The following XXYLT1 variants were observed in gnomAD, a reference collection of about 807,000 sequenced individuals.
XXYLT1 encodes xyloside xylosyltransferase 1.
A neutral mutation model predicts 28.9 loss-of-function variants in XXYLT1; 20 were observed. The observed-to-expected ratio is 0.69, with a 90% CI of 0.49 to 1.00. The LOEUF (loss-of-function observed/expected upper bound fraction) is 1.00, where lower values mean the gene tolerates loss of function less well. Ranked by LOEUF, XXYLT1 falls within the 50% of genes least tolerant of loss-of-function variation. The pLI is 0.00. For missense variants in XXYLT1, 542 were observed against 560.1 expected, an observed-to-expected ratio of 0.97 and a Z score of 0.33; for synonymous variants, 257 against 253.8, an observed-to-expected ratio of 1.01 and a Z score of -0.12.
At chr3:195,088,896 C>T (rs1457750780) in intron 3 of XXYLT1, among the ~76,000 whole-genome samples, 2 of 149,536 alleles carry the variant, frequency 1.3e-5, no homozygotes, top group Non-Finnish European at 3.0e-5. Context: ...CCTCAGGAGC[C>T]GATGCAATCA....
At chr3:195,207,434 T>C in intron 2 of XXYLT1, 1 of 456,314 alleles carries the variant, frequency 2.2e-6, no homozygotes, top group South Asian at 1.5e-5. Context: ...CCTTGGAAAG[T>C]GGGACCGACA....
intron 1 of XXYLT1, among the ~76,000 whole-genome samples, chr3:195,250,647 G>A (rs1360266669): frequency 6.6e-6 from 1 of 151,550 alleles, no homozygotes; most frequent in Non-Finnish European, 1.5e-5. Flanking sequence ...GTACTCACCT[G>A]CTAACATACT....
rs1726011674 is a variant in XXYLT1, at chr3:195,271,047, G to A, written c.12C>T (p.Leu4=). The change falls in exon 1 of 4, where the codon CTC becomes CTT. Residue 4 remains leucine (L), a synonymous_variant. Coordinates refer to ENST00000310380, the MANE Select transcript of XXYLT1 (RefSeq NM_152531.5). The stretch of plus-strand genomic sequence containing the variant: ...CCCGAGCGCATGGGAGCCCGCCTCG[G>A]AGGAGGCCCATGCGCTACGAGACCG... MGL[L]RGGLPCARAM... The A allele has an allele frequency of 1.4e-6, 2 of 1,434,514 alleles. No individual in the cohort carries two copies. Among genetic ancestry groups the A allele is most frequent in the Non-Finnish European group, 9.1e-7 (1 of 1,098,618 alleles). 88.9% of individuals were successfully genotyped at this position (1,434,514 alleles called of 1,614,324 possible). A position where few individuals can be genotyped will look rare whatever the true frequency, so the allele number is the denominator to read the frequency against.
chr3:195,093,647 A>G (rs901813781), intron 3 of XXYLT1: 2 of 151,878 alleles, frequency 1.3e-5, no homozygotes, highest in South Asian at 2.1e-4. Flanking sequence ...AACCTGCACA[A>G]TGTGCACATG....
intron 2 of XXYLT1, among the ~76,000 whole-genome samples, chr3:195,189,259 A>T (rs1722326141): frequency 2.0e-5 from 3 of 152,240 alleles, no homozygotes. Flanking sequence ...ACAAAAGTTT[A>T]AAAAAGTACT....
At chr3:195,242,328 C>T (rs1032640516) in intron 1 of XXYLT1, among the ~76,000 whole-genome samples, 7 of 152,174 alleles carry the variant, frequency 4.6e-5, no homozygotes, top group African/African-American at 1.7e-4. Flanking sequence ...CTCCTTCTCA[C>T]CTTTAACCTG....
In XXYLT1 at chr3:195,078,278, G is replaced by A. The variant is rs1363979962; in HGVS notation, c.786-8167C>T. 6.6e-6 allele frequency among the ~76,000 whole-genome samples: 1 copy of A among 152,078 alleles called. No individual in the cohort carries two copies. The highest frequency in any genetic ancestry group is 1.5e-5 in the Non-Finnish European group (1 of 68,010). On this transcript the variant is annotated intron_variant, in intron 3 of 3. Coordinates refer to ENST00000310380, the MANE Select transcript of XXYLT1 (RefSeq NM_152531.5). The surrounding 1 kb of genome is among the most constrained non-coding windows in gnomAD (Gnocchi z 5.0). ...GAATTCTGGAGAGTTCTGACATTTAGGGCGTGGAAGAAGAGGAGCCAGGAA... is the reference window on the plus strand; with the variant it reads ...GAATTCTGGAGAGTTCTGACATTTAAGGCGTGGAAGAAGAGGAGCCAGGAA...
chr3:195,259,697 G>T (rs999185210), intron 1 of XXYLT1: 15 of 984,540 alleles, frequency 1.5e-5, no homozygotes, highest in Non-Finnish European at 1.3e-5. Flanking sequence ...GCCAGGGACA[G>T]ACCCAGCACC....
intron 3 of XXYLT1, among the ~76,000 whole-genome samples, chr3:195,136,533 G>A (rs968727838): frequency 2.5e-4 from 38 of 152,186 alleles, no homozygotes; most frequent in Admixed American, 8.5e-4. Flanking sequence ...AAGCGGCCCC[G>A]GGTGAACGCA....
At chr3:195,204,667 T>A (rs944623890) in intron 2 of XXYLT1, among the ~76,000 whole-genome samples, 1 of 152,182 alleles carries the variant, frequency 6.6e-6, no homozygotes, top group Non-Finnish European at 1.5e-5. Flanking sequence ...CTCAGGCAAC[T>A]CAAGTATCTC....
At chr3:195,179,340 C>CAA (rs1186873074) in intron 2 of XXYLT1, among the ~76,000 whole-genome samples, 1 of 80,466 alleles carries the variant, frequency 1.2e-5, no homozygotes, top group Non-Finnish European at 2.5e-5. Context: ...GACACCGTCT[C>CAA]AAAAAAAAAA....
chr3:195,167,138 T>A (rs1721167159), intron 2 of XXYLT1, among the ~76,000 whole-genome samples: 1 of 152,384 alleles, frequency 6.6e-6, no homozygotes, highest in Admixed American at 6.5e-5. Flanking sequence ...GTCCTATCAC[T>A]GTGACGTTAA....
intron 3 of XXYLT1, among the ~76,000 whole-genome samples, chr3:195,130,472 T>C (rs1265760981): frequency 6.6e-6 from 1 of 152,228 alleles, no homozygotes; most frequent in Non-Finnish European, 1.5e-5. Context: ...TAAGATTAAA[T>C]AAATGCTTTA....
rs1159458563 is a variant in XXYLT1, at chr3:195,180,114, G to A, written c.653-23533C>T. ...AGCAGTGGGGTTCTGGCAGAGCACC[G>A]CTGACCCGTCATGGAAGGAGGGGAG... On this transcript the variant is annotated intron_variant, in intron 2 of 3. Transcript: ENST00000310380. The surrounding 1 kb of genome is among the most constrained non-coding windows in gnomAD (Gnocchi z 5.8). 1.3e-5 allele frequency among the ~76,000 whole-genome samples: 2 copies of A among 152,294 alleles called. No individual in the cohort carries two copies. Among genetic ancestry groups the A allele is most frequent in the East Asian group, 3.9e-4 (2 of 5,170 alleles).
chr3:195,233,576 A>G (rs532578785), intron 1 of XXYLT1, among the ~76,000 whole-genome samples: 1 of 152,340 alleles, frequency 6.6e-6, no homozygotes, highest in South Asian at 2.1e-4. Context: ...ATTATTTTAA[A>G]CTGATGACAA....
intron 3 of XXYLT1, among the ~76,000 whole-genome samples, chr3:195,074,082 G>A (rs113909678): frequency 2.4e-4 from 37 of 151,776 alleles, no homozygotes; most frequent in African/African-American, 7.8e-4. Flanking sequence ...CCGACTCTTC[G>A]TGATTTTTTT....
chr3:195,097,395 A>G (rs1716509701), intron 3 of XXYLT1, among the ~76,000 whole-genome samples: 1 of 152,186 alleles, frequency 6.6e-6, no homozygotes. Flanking sequence ...CGTATCTAGC[A>G]CCACGTGTGG....
chr3:195,192,249 C>A (rs537562738), intron 2 of XXYLT1, among the ~76,000 whole-genome samples: 20 of 152,066 alleles, frequency 1.3e-4, no homozygotes, highest in African/African-American at 3.6e-4. Flanking sequence ...ATGGTGAAAC[C>A]CGGCCTCTAT....
At chr3:195,137,885 G>A (rs1296081569) in intron 3 of XXYLT1, among the ~76,000 whole-genome samples, 1 of 152,178 alleles carries the variant, frequency 6.6e-6, no homozygotes. Flanking sequence ...GTCAGAACTG[G>A]CAGGCAGGCT....
Sources: allele counts gnomAD v4.1 joint callset (sites outside exome capture counted in the v4.1 genomes callset), GRCh38; gene constraint gnomAD v4.1.1; non-coding constraint Gnocchi (gnomAD v3.1); transcripts MANE v1.5; gene names NCBI Gene and HGNC (gene_info 2026-07-23, HGNC 2026-07-21).